BRCA1: variants seen among roughly 807,000 people sequenced by gnomAD.
BRCA1 encodes breast cancer type 1 susceptibility protein.
A neutral mutation model predicts 173.7 loss-of-function variants in BRCA1; 140 were observed. That is an observed-to-expected ratio of 0.81 (90% CI 0.70 to 0.93). The LOEUF (loss-of-function observed/expected upper bound fraction) is 0.93. Among genes scored for constraint, BRCA1 ranks in the 40% least tolerant of loss-of-function variants. BRCA1 has a pLI of 0.00. For synonymous variants in BRCA1, 662 were observed against 756.0 expected (o/e 0.88, Z 2.04); for missense variants, 1,983 against 2,172.5 (o/e 0.91, Z 1.73).
At chr17:43,144,889 G>C in intron 1 of BRCA1, 1 of 535,122 alleles carries the variant, frequency 1.9e-6, no homozygotes, top group Non-Finnish European at 3.6e-6. Context: ...AGGCAGCCCA[G>C]CTTCGCGAAG....
rs8176254 is a variant in BRCA1, at chr17:43,064,327, G to A, written c.5075-376C>T. Among the ~76,000 whole-genome samples, 1,477 of 152,268 alleles carry A rather than the reference G, an allele frequency of 9.7e-3. 34 individuals carry two copies. The highest frequency in any genetic ancestry group is 0.034 in the African/African-American group (1,413 of 41,548). On this transcript the variant is annotated intron_variant, in intron 16 of 22. Transcript: ENST00000357654. ...ACGGAGAACATCTATATTACTAGAT[G>A]GCAATATGTGAAAGAAGAAAACAGT... is the stretch of plus-strand genomic sequence containing the variant.
intron 1 of BRCA1, among the ~76,000 whole-genome samples, chr17:43,165,248 T>C (rs1377456185): frequency 1.3e-5 from 2 of 152,232 alleles, no homozygotes; most frequent in African/African-American, 4.8e-5. Flanking sequence ...AAACCTGTTA[T>C]GCTTTTACTT....
rs1477320998 is a variant in BRCA1 at position 43,100,556 on chromosome 17, GTGTA to G, written c.442-680_442-677del. Among the ~76,000 whole-genome samples the G allele has an allele frequency of 3.1e-3, 41 of 13,432 alleles. 4 individuals carry two copies. The highest frequency in any genetic ancestry group is 7.7e-3 in the Middle Eastern group (1 of 130). The allele number at this position is 13,432 out of a possible 152,430, so 8.8% of individuals were successfully genotyped here. ...TATATACATATATATGTGTGTGTGT[GTGTA>G]TATATATATATAACATATATATAAC... On this transcript the variant is annotated intron_variant, in intron 6 of 22. Transcript: ENST00000357654.
At position 43,082,527 on chromosome 17, in the gene BRCA1, C is replaced by T. The variant is rs765183110; in HGVS notation, c.4234G>A (p.Ala1412Thr). The T allele has an allele frequency of 6.2e-7, 1 of 1,614,164 alleles. No homozygotes were observed. The highest frequency in any genetic ancestry group is 1.7e-5 in the Admixed American group (1 of 60,006). The change falls in exon 12 of 23, where the codon GCT becomes ACT. Residue 1412 changes from alanine (A) to threonine (T), a missense_variant. Physicochemically the swap from Ala to Thr is moderately conservative, Grantham distance 58 (BLOSUM62 0). Transcript: ENST00000357654. ...HNLIKLQQEM[A>T]ELEAVLEQHG... is the part of the protein sequence containing the mutation. ...TGTTCTAACACAGCTTCTAGTTCAG[C>T]CATTTCCTGCTGGAGCTTTATCAGG...
chr17:43,062,068 T>C (rs2051786059), intron 18 of BRCA1, among the ~76,000 whole-genome samples: 2 of 152,114 alleles, frequency 1.3e-5, no homozygotes, highest in African/African-American at 2.4e-5. Context: ...TGCATGTATA[T>C]ATATGTATAT....
Position 43,044,443 on chromosome 17 carries a change from A to AATGGGTTT in BRCA1, c.*1227_*1234dup, listed in dbSNP as rs779168801. 1.4e-5 allele frequency: 7 copies of AATGGGTTT among 508,392 alleles called. No individual in the cohort carries two copies. Among genetic ancestry groups the AATGGGTTT allele is most frequent in the Non-Finnish European group, 1.9e-5 (5 of 259,630 alleles). 31.5% of individuals were successfully genotyped at this position (508,392 alleles called of 1,614,324 possible). A position where few individuals can be genotyped will look rare whatever the true frequency, so the allele number is the denominator to read the frequency against. ...CCAACAGCTATAAACAGTCCTGGAT[A>AATGGGTTT]ATGGGTTTATGAAAAACACTTTTTC... On this transcript the variant is annotated 3_prime_UTR_variant, in exon 23 of 23. Coordinates refer to ENST00000357654, the MANE Select transcript of BRCA1 (RefSeq NM_007294.4).
intron 3 of BRCA1, among the ~76,000 whole-genome samples, chr17:43,107,004 T>C (rs2054819702): frequency 6.6e-6 from 1 of 150,910 alleles, no homozygotes; most frequent in Non-Finnish European, 1.5e-5. Flanking sequence ...AGTACAGAAA[T>C]AAACTCATAC....
At chr17:43,150,544 C>T (rs1342866673) in intron 1 of BRCA1, among the ~76,000 whole-genome samples, 1 of 152,136 alleles carries the variant, frequency 6.6e-6, no homozygotes, top group Admixed American at 6.6e-5. Context: ...TTTCCCAAAC[C>T]AGCATCTCTT....
intron 6 of BRCA1, among the ~76,000 whole-genome samples, chr17:43,102,937 G>A (rs1429358614): frequency 6.8e-6 from 1 of 147,342 alleles, no homozygotes; most frequent in African/African-American, 2.4e-5. Context: ...GTGAGCCACG[G>A]CACCCAGCTA....
At chr17:43,120,221 T>G (rs1378494746) in intron 2 of BRCA1, among the ~76,000 whole-genome samples, 1 of 152,202 alleles carries the variant, frequency 6.6e-6, no homozygotes, top group Non-Finnish European at 1.5e-5. Flanking sequence ...GAACTACCAA[T>G]TGTCAGAAAT....
intron 18 of BRCA1, among the ~76,000 whole-genome samples, chr17:43,060,308 C>T (rs1030760822): frequency 6.6e-6 from 1 of 152,058 alleles, no homozygotes; most frequent in African/African-American, 2.4e-5. Flanking sequence ...TCCCAAAGTG[C>T]TGGGATTACA....
At chr17:43,135,611 G>T (rs1026039491) in intron 1 of BRCA1, among the ~76,000 whole-genome samples, 1 of 152,194 alleles carries the variant, frequency 6.6e-6, no homozygotes, top group African/African-American at 2.4e-5. Flanking sequence ...GGTCTTCGGA[G>T]CCTTCAGCCT....
chr17:43,100,592 A>ATGT lies in BRCA1; in HGVS notation c.442-713_442-712insACA, dbSNP rs1567807142. Among the ~76,000 whole-genome samples the ATGT allele has an allele frequency of 2.8e-4, 27 of 96,814 alleles. 4 individuals are homozygous for ATGT. The highest frequency in any genetic ancestry group is 1.1e-3 in the African/African-American group (26 of 22,808). The allele number at this position is 96,814 out of a possible 152,430, so 63.5% of individuals were successfully genotyped here. On this transcript the variant is annotated intron_variant, in intron 6 of 22. Coordinates refer to ENST00000357654, the MANE Select transcript of BRCA1 (RefSeq NM_007294.4). The stretch of plus-strand genomic sequence containing the variant: ...TATATAACATATATATAACATATAT[A>ATGT]TATTATATATATATAACATATATAT...
intron 1 of BRCA1, chr17:43,164,760 C>T (rs1196649553): frequency 6.6e-6 from 1 of 152,084 alleles, no homozygotes; most frequent in Non-Finnish European, 1.5e-5. Context: ...TTTCTTCTTT[C>T]CACCTTTCGA....
intron 2 of BRCA1, among the ~76,000 whole-genome samples, chr17:43,116,290 A>C (rs1046477101): frequency 6.6e-6 from 1 of 152,184 alleles, no homozygotes; most frequent in Non-Finnish European, 1.5e-5. Context: ...AACTATATGG[A>C]CCATCACCCT....
At chr17:43,144,860 G>T in intron 1 of BRCA1, 1 of 511,214 alleles carries the variant, frequency 2.0e-6, no homozygotes, top group Non-Finnish European at 3.8e-6. Context: ...CTCCGGTGGC[G>T]GGAGGAGTGG....
At chr17:43,142,198 G>A (rs1174468909) in intron 1 of BRCA1, among the ~76,000 whole-genome samples, 6 of 152,212 alleles carry the variant, frequency 3.9e-5, no homozygotes, top group East Asian at 3.9e-4. Flanking sequence ...ACAGGCGTGA[G>A]CCACTGTGCC....
intron 11 of BRCA1, among the ~76,000 whole-genome samples, chr17:43,086,048 TTATA>T (rs2053216981): frequency 6.6e-6 from 1 of 151,454 alleles, no homozygotes; most frequent in Non-Finnish European, 1.5e-5. Context: ...CAATGAGTGT[TTATA>T]TATCTACTAC....
chr17:43,057,524 T>C (rs1412072528), intron 18 of BRCA1, among the ~76,000 whole-genome samples: 1 of 132,462 alleles, frequency 7.5e-6, no homozygotes, highest in Admixed American at 7.6e-5. Context: ...TCTCAAAAAA[T>C]TAAAAATAAA....
Sources: allele counts gnomAD v4.1 joint callset (sites outside exome capture counted in the v4.1 genomes callset), GRCh38; gene constraint gnomAD v4.1.1; transcripts MANE v1.5; gene names NCBI Gene and HGNC (gene_info 2026-07-23, HGNC 2026-07-21).